Variants in PYY observed in about 807,000 individuals in gnomAD.
PYY encodes peptide tyrosine tyrosine.
In PYY, 12 loss-of-function variants were observed where a neutral mutation model predicts 10.3. That is an observed-to-expected ratio of 1.17 (90% CI 0.75 to 1.89). The LOEUF is 1.89. PYY is among the 40% of genes most tolerant of loss of function. The probability of loss-of-function intolerance (pLI) is 0.00; values close to 1 mark genes in which losing one functional copy is unlikely to be tolerated. For missense variants in PYY, 141 were observed against 134.0 expected, an observed-to-expected ratio of 1.05 and a Z score of -0.26; for synonymous variants, 66 against 62.0, an observed-to-expected ratio of 1.06 and a Z score of -0.30.
At chr17:43,989,658 A>T (rs943332154) in intron 1 of PYY, among the ~76,000 whole-genome samples, 1 of 150,978 alleles carries the variant, frequency 6.6e-6, no homozygotes, top group Non-Finnish European at 1.5e-5. Context: ...GGGTTAATAC[A>T]AGGCCAGCAT....
chr17:43,991,498 T>C (rs747091942), intron 1 of PYY, among the ~76,000 whole-genome samples: 1 of 152,186 alleles, frequency 6.6e-6, no homozygotes, highest in Admixed American at 6.5e-5. Flanking sequence ...TGTAAAACTA[T>C]ATGGTCAGGC....
intron 1 of PYY, among the ~76,000 whole-genome samples, chr17:43,972,584 A>T (rs1346610967): frequency 6.6e-6 from 1 of 151,786 alleles, no homozygotes; most frequent in Non-Finnish European, 1.5e-5. Context: ...GCTGGAATGC[A>T]GTGGCACAGT....
chr17:43,976,449 A>G (rs1040995913), intron 1 of PYY, among the ~76,000 whole-genome samples: 1 of 146,082 alleles, frequency 6.8e-6, no homozygotes, highest in Non-Finnish European at 1.5e-5. Flanking sequence ...ACATGTATAC[A>G]TATACATATA....
chr17:43,996,266 C>T (rs2048991595), intron 1 of PYY, among the ~76,000 whole-genome samples: 1 of 152,124 alleles, frequency 6.6e-6, no homozygotes, highest in Non-Finnish European at 1.5e-5. Context: ...TCTGAGACTA[C>T]GTGGAGAGAG....
intron 1 of PYY, among the ~76,000 whole-genome samples, chr17:43,971,733 T>C (rs933997061): frequency 4.8e-4 from 73 of 151,620 alleles, no homozygotes; most frequent in African/African-American, 1.7e-3. Context: ...GTTTGAAGGG[T>C]TCTTTATATA....
At chr17:43,980,872 T>C (rs1412252804) in intron 1 of PYY, among the ~76,000 whole-genome samples, 2 of 152,216 alleles carry the variant, frequency 1.3e-5, no homozygotes, top group African/African-American at 2.4e-5. Flanking sequence ...TTCTTATCTC[T>C]ATGTAATATT....
chr17:43,987,619 A>C lies in PYY; in HGVS notation c.-463+16772T>G, dbSNP rs9895585. Reference sequence around the variant, plus strand: ...CTCTTCCCAGCTTCCCACATGCCACACCCCTGTGGGGCTGGCATGAAGAGG... The same window carrying C: ...CTCTTCCCAGCTTCCCACATGCCACCCCCCTGTGGGGCTGGCATGAAGAGG... On this transcript the variant is annotated intron_variant, in intron 1 of 6. Transcript: ENST00000360085. The surrounding 1 kb of genome is among the most constrained non-coding windows in gnomAD (Gnocchi z 4.0). Among the ~76,000 whole-genome samples, 18,070 of 151,956 alleles carry C rather than the reference A, an allele frequency of 0.12. 2,000 individuals are homozygous for C. The highest frequency in any genetic ancestry group is 0.29 in the African/African-American group (11,987 of 41,428).
chr17:43,992,388 T>C (rs1029199236), intron 1 of PYY, among the ~76,000 whole-genome samples: 5 of 151,084 alleles, frequency 3.3e-5, no homozygotes, highest in Non-Finnish European at 7.4e-5. Flanking sequence ...CGAGACCAGC[T>C]TGGCCAACAC....
At position 43,953,359 on chromosome 17, in the gene PYY, G is replaced by C. The variant is rs369671847; in HGVS notation, c.125C>G (p.Pro42Arg). 22 of 1,612,506 alleles carry C rather than the reference G, an allele frequency of 1.4e-5. 1 individual carries two copies. In the African/African-American group the frequency reaches 2.7e-4, roughly 20 times the overall value. The change falls in exon 2 of 4, where the codon CCG becomes CGG. Residue 42 changes from proline to arginine, a missense_variant. Transcript: ENST00000692052. Reference protein sequence around the residue: ...KPEAPREDASPEELNRYYASL... With the variant: ...KPEAPREDASREELNRYYASL... The stretch of plus-strand genomic sequence containing the variant: ...GGCGTAGTAGCGGTTCAGCTCCTCC[G>C]GCGAGGCGTCTTCGCGGGGAGCCTC...
intron 1 of PYY, among the ~76,000 whole-genome samples, chr17:43,983,007 G>A (rs773919391): frequency 1.3e-5 from 2 of 152,242 alleles, no homozygotes; most frequent in African/African-American, 2.4e-5. Flanking sequence ...CAAGGTGGGC[G>A]AATCACCTGA....
chr17:43,953,009 T>A (rs753207330), intron 3 of PYY, 29 bp from the exon 4 acceptor site: 5 of 1,582,790 alleles, frequency 3.2e-6, no homozygotes, highest in Non-Finnish European at 4.3e-6. Flanking sequence ...AGGAATTGGA[T>A]CTGGGGAGGC....
At chr17:43,971,467 G>A (rs1350370632) in intron 1 of PYY, among the ~76,000 whole-genome samples, 1 of 151,894 alleles carries the variant, frequency 6.6e-6, no homozygotes. Context: ...CTACTCAGTA[G>A]GCTGAGGCAA....
At chr17:43,975,769 T>TAC (rs1224669353) in intron 1 of PYY, among the ~76,000 whole-genome samples, 4 of 140,190 alleles carry the variant, frequency 2.9e-5, no homozygotes, top group Non-Finnish European at 4.6e-5. Flanking sequence ...CATATATATA[T>TAC]ACACACATAT....
rs1294177590 is a variant in PYY, at chr17:43,991,966, C to CA, written c.-463+12424dup. Reference sequence around the variant, plus strand: ...AAACCCCGTCTGTACTAAAAAAGTACAAAAAATTAGCTGGGCGTGGTGGCG... The same window carrying CA: ...AAACCCCGTCTGTACTAAAAAAGTACAAAAAAATTAGCTGGGCGTGGTGGCG... On this transcript the variant is annotated intron_variant, in intron 1 of 6. Transcript: ENST00000360085. Among the ~76,000 whole-genome samples, 6 of 151,224 alleles carry CA rather than the reference C, an allele frequency of 4.0e-5. No individual in the cohort carries two copies. The East Asian group carries it at 1.2e-3, about 30-fold the overall frequency.
intron 1 of PYY, among the ~76,000 whole-genome samples, chr17:43,994,367 G>A (rs1044778251): frequency 1.3e-5 from 2 of 151,854 alleles, no homozygotes; most frequent in African/African-American, 2.4e-5. Context: ...TCAAGCTACC[G>A]TCGGCTTTAC....
At chr17:43,971,628 T>A (rs2048794353) in intron 1 of PYY, among the ~76,000 whole-genome samples, 1 of 151,152 alleles carries the variant, frequency 6.6e-6, no homozygotes, top group South Asian at 2.1e-4. Flanking sequence ...CATCTATTCA[T>A]GTGCTTATCT....
intron 1 of PYY, among the ~76,000 whole-genome samples, chr17:43,997,779 C>T (rs1029214469): frequency 1.3e-5 from 2 of 151,984 alleles, no homozygotes; most frequent in African/African-American, 2.4e-5. Flanking sequence ...CGCCCGCGTT[C>T]CTTTAAGGCC....
chr17:43,996,862 AT>A (rs911880347), intron 1 of PYY, among the ~76,000 whole-genome samples: 1 of 150,764 alleles, frequency 6.6e-6, no homozygotes, highest in Non-Finnish European at 1.5e-5. Context: ...TAATTTTTGT[AT>A]TTTTTTATAG....
chr17:43,982,645 TGACTGGACAGAACCCAACAG>T (rs1297341122), intron 1 of PYY, among the ~76,000 whole-genome samples: 2 of 152,198 alleles, frequency 1.3e-5, no homozygotes, highest in African/African-American at 2.4e-5. Context: ...GGAACAGTCG[TGACTGGACAGAACCCAACAG>T]GACTGGACAA....
Sources: gnomAD v4.1 joint callset for allele counts (sites outside exome capture counted in the v4.1 genomes callset) on GRCh38, gnomAD v4.1.1 for gene constraint, Gnocchi (gnomAD v3.1) non-coding constraint, MANE v1.5 for transcripts, NCBI Gene and HGNC (gene_info 2026-07-23, HGNC 2026-07-21) for gene names.